The following ASPRV1 variants were observed in gnomAD, a reference collection of about 807,000 sequenced individuals.
The protein encoded by ASPRV1 is aspartic peptidase retroviral like 1.
In ASPRV1, 7 loss-of-function variants were observed where a neutral mutation model predicts 11.0. The observed-to-expected ratio is 0.64, with a 90% CI of 0.36 to 1.20. The LOEUF (loss-of-function observed/expected upper bound fraction) is 1.20. Ranked by LOEUF, ASPRV1 falls within the 50% of genes most tolerant of loss-of-function variation. The probability of loss-of-function intolerance (pLI) is 0.02; values close to 1 mark genes in which losing one functional copy is unlikely to be tolerated. For missense variants in ASPRV1, 299 were observed against 320.0 expected (o/e 0.93, Z 0.50); for synonymous variants, 136 against 138.4 (o/e 0.98, Z 0.12).
At chr2:70,086,833 G>A in the ASPRV1 span, 1 of 152,272 alleles carries the variant, frequency 6.6e-6, no homozygotes, top group Non-Finnish European at 1.5e-5. Flanking sequence ...AAACAGCAGA[G>A]CCGCGATTCG....
the ASPRV1 span, chr2:70,070,709 G>A: frequency 1.0e-4 from 16 of 160,776 alleles, no homozygotes; most frequent in Non-Finnish European, 1.7e-4. Flanking sequence ...GCTTGAACCC[G>A]GGAGGCGGAG....
At chr2:70,080,605 C>T in the ASPRV1 span, among the ~76,000 whole-genome samples, 2 of 152,100 alleles carry the variant, frequency 1.3e-5, no homozygotes, top group Non-Finnish European at 2.9e-5. Flanking sequence ...ACATTTTCTC[C>T]TTAGAATCTC....
the ASPRV1 span, chr2:70,018,081 A>T: frequency 6.6e-6 from 1 of 152,094 alleles, no homozygotes; most frequent in African/African-American, 2.4e-5. Flanking sequence ...CGGAGGTTGC[A>T]GTGAGTCGAG....
the ASPRV1 span, among the ~76,000 whole-genome samples, chr2:70,072,448 C>T: frequency 9.9e-5 from 15 of 150,788 alleles, no homozygotes; most frequent in South Asian, 3.2e-3. Context: ...GGTGGCTGGG[C>T]GCAGTGGCTC....
At chr2:70,046,611 C>T in the ASPRV1 span, 4 of 152,082 alleles carry the variant, frequency 2.6e-5, no homozygotes, top group Non-Finnish European at 5.9e-5. Flanking sequence ...TGGCAAGACC[C>T]TAGGAAGCCA....
At chr2:69,963,834 G>A (rs1452820158), upstream of ASPRV1, among the ~76,000 whole-genome samples, 3 of 152,142 alleles carry the variant, frequency 2.0e-5, no homozygotes, top group African/African-American at 4.8e-5. Flanking sequence ...GCTTTCCAGC[G>A]GCCAGAGAAG....
upstream of ASPRV1, among the ~76,000 whole-genome samples, chr2:69,963,714 C>G (rs1208028294): frequency 3.3e-5 from 5 of 152,158 alleles, no homozygotes; most frequent in East Asian, 9.6e-4. Context: ...TTCACATTGG[C>G]AAAGCATTTT....
In ASPRV1 at chr2:69,960,814, T is replaced by A. The variant is rs763727804; in HGVS notation, c.623A>T (p.His208Leu). 6.2e-7 allele frequency: 1 copy of A among 1,614,170 alleles called. No homozygotes were observed. The highest frequency in any genetic ancestry group is 8.5e-7 in the Non-Finnish European group (1 of 1,180,020). The change falls in exon 1 of 1, where the codon CAC (histidine) becomes CTC (leucine). Residue 208 changes from histidine (H) to leucine (L), a missense_variant. His to Leu is a moderately conservative substitution (Grantham distance 99). Transcript: ENST00000320256. ...AIIGTDVLQD[H>L]NAILDFEHRT... The stretch of plus-strand genomic sequence containing the variant: ...GTGCTCAAAGTCCAGGATAGCATTG[T>A]GGTCCTGGAGCACATCAGTGCCAAT...
upstream of ASPRV1, among the ~76,000 whole-genome samples, chr2:69,963,777 G>A (rs770695319): frequency 6.6e-6 from 1 of 152,114 alleles, no homozygotes; most frequent in Admixed American, 6.5e-5. Flanking sequence ...GACCAGCTCC[G>A]CTCCAGGACC....
chr2:70,035,186 G>C, the ASPRV1 span, among the ~76,000 whole-genome samples: 8 of 152,184 alleles, frequency 5.3e-5, no homozygotes, highest in Non-Finnish European at 1.0e-4. Context: ...CAGGTTGCCA[G>C]TAGGAAATCT....
chr2:70,083,645 G>C, the ASPRV1 span: 3 of 152,158 alleles, frequency 2.0e-5, no homozygotes, highest in East Asian at 5.8e-4. Flanking sequence ...CTATAAAATG[G>C]GTGGTGTGGA....
the ASPRV1 span, among the ~76,000 whole-genome samples, chr2:70,039,730 C>A: frequency 2.0e-5 from 3 of 152,190 alleles, no homozygotes; most frequent in Non-Finnish European, 4.4e-5. Flanking sequence ...AAGTTTTCTT[C>A]CAAGGTTCTA....
At chr2:70,039,583 G>A in the ASPRV1 span, among the ~76,000 whole-genome samples, 1 of 152,190 alleles carries the variant, frequency 6.6e-6, no homozygotes, top group Non-Finnish European at 1.5e-5. Context: ...CAAACAGCCA[G>A]CAGGGGAGGT....
chr2:69,940,859 T>TC, the ASPRV1 span: 2 of 152,568 alleles, frequency 1.3e-5, no homozygotes, highest in African/African-American at 4.8e-5. Context: ...AGGCAGCTAA[T>TC]CCCCCCAACC....
At chr2:69,933,200 CAAAAAAAAAAAAA>C in the ASPRV1 span, among the ~76,000 whole-genome samples, 1 of 80,144 alleles carries the variant, frequency 1.2e-5, no homozygotes, top group African/African-American at 4.2e-5. Flanking sequence ...AACTCTGTCT[CAAAAAAAAAAAAA>C]AAAAAAAAAA....
chr2:69,937,444 A>C, the ASPRV1 span: 1 of 1,388,630 alleles, frequency 7.2e-7, no homozygotes, highest in Non-Finnish European at 9.5e-7. Context: ...CCCCAACCCC[A>C]GAGCAGGGGT....
At chr2:69,949,353 A>G in the ASPRV1 span, among the ~76,000 whole-genome samples, 44 of 152,328 alleles carry the variant, frequency 2.9e-4, 1 homozygote, top group South Asian at 8.3e-3. Context: ...CTCAGAGCTA[A>G]GGCAGGACAA....
the ASPRV1 span, among the ~76,000 whole-genome samples, chr2:70,044,055 G>A: frequency 6.6e-6 from 1 of 152,092 alleles, no homozygotes; most frequent in African/African-American, 2.4e-5. Flanking sequence ...GCAACTAGGG[G>A]CACAGTGCCT....
At chr2:70,071,355 A>G in the ASPRV1 span, among the ~76,000 whole-genome samples, 2 of 152,234 alleles carry the variant, frequency 1.3e-5, no homozygotes, top group East Asian at 3.8e-4. Context: ...TAAACTGCAA[A>G]TATGTCTTAC....
Sources: allele counts gnomAD v4.1 joint callset (sites outside exome capture counted in the v4.1 genomes callset), GRCh38; gene constraint gnomAD v4.1.1; transcripts MANE v1.5; gene names NCBI Gene and HGNC (gene_info 2026-07-23, HGNC 2026-07-21).